Variants in RNF24 observed in about 807,000 individuals in gnomAD.
RNF24 encodes the protein ring finger protein 24.
Under a neutral mutation model 20.0 loss-of-function variants are expected in RNF24, and 14 were observed. The observed-to-expected ratio is 0.70, with a 90% CI of 0.46 to 1.10. The LOEUF is 1.10. Ranked by LOEUF, RNF24 falls within the 50% of genes least tolerant of loss-of-function variation. The pLI is 0.00. For missense variants in RNF24, 124 were observed against 177.6 expected (o/e 0.70, Z 1.71); for synonymous variants, 45 against 61.1 (o/e 0.74, Z 1.23).
At chr20:3,939,269 AG>A (rs1200762051) in intron 4 of RNF24, among the ~76,000 whole-genome samples, 17 of 152,182 alleles carry the variant, frequency 1.1e-4, no homozygotes, top group African/African-American at 4.1e-4. Context: ...CTGGGATTAC[AG>A]GCATGTGTCA....
rs1486668782 is a variant in RNF24 at position 3,957,469 on chromosome 20, AAT to A, written c.143+6404_143+6405del. 1.0e-3 allele frequency among the ~76,000 whole-genome samples: 144 copies of A among 141,766 alleles called. 5 individuals carry two copies. Among genetic ancestry groups the A allele is most frequent in the Non-Finnish European group, 7.6e-4 (49 of 64,640 alleles). The allele number at this position is 141,766 out of a possible 152,430, so 93.0% of individuals were successfully genotyped here. On this transcript the variant is annotated intron_variant, in intron 2 of 5. Transcript: ENST00000358395. ...TGAGACCCTGTCTCAAAAAAAAAAA[AAT>A]AATAATAATAAAAATAAAAAATAAA...
chr20:3,977,222 CTTCAGGTTAT>C (rs1321289937), intron 1 of RNF24, among the ~76,000 whole-genome samples: 1 of 152,126 alleles, frequency 6.6e-6, no homozygotes, highest in Non-Finnish European at 1.5e-5. Flanking sequence ...TAGATTAAGG[CTTCAGGTTAT>C]TTCAGCAAAG....
intron 2 of RNF24, among the ~76,000 whole-genome samples, chr20:3,952,855 C>T (rs977673017): frequency 2.0e-5 from 3 of 152,094 alleles, no homozygotes; most frequent in Admixed American, 1.3e-4. Flanking sequence ...AAATAACTCT[C>T]GTTCTTGGAA....
chr20:3,966,065 T>C (rs1273451612), intron 1 of RNF24, among the ~76,000 whole-genome samples: 1 of 130,384 alleles, frequency 7.7e-6, no homozygotes, highest in African/African-American at 3.0e-5. Flanking sequence ...ACCAGGGAGG[T>C]GGTTGGTTGC....
chr20:3,955,119 A>C (rs2091127959), intron 2 of RNF24, among the ~76,000 whole-genome samples: 1 of 152,196 alleles, frequency 6.6e-6, no homozygotes, highest in South Asian at 2.1e-4. Context: ...AATAATGTCA[A>C]ACATCTTTTC....
intron 1 of RNF24, among the ~76,000 whole-genome samples, chr20:3,967,208 T>C (rs2091267536): frequency 6.6e-6 from 1 of 152,220 alleles, no homozygotes; most frequent in Admixed American, 6.5e-5. Context: ...CTACATATCA[T>C]CTTAGTAATA....
intron 1 of RNF24, among the ~76,000 whole-genome samples, chr20:3,977,724 A>G (rs1168272951): frequency 2.0e-5 from 3 of 151,736 alleles, no homozygotes; most frequent in Non-Finnish European, 2.9e-5. Flanking sequence ...AATTAGCCGG[A>G]TGTGGTGGTG....
chr20:3,947,504 C>T (rs1038420496), intron 3 of RNF24, among the ~76,000 whole-genome samples: 4 of 152,190 alleles, frequency 2.6e-5, no homozygotes, highest in Non-Finnish European at 5.9e-5. Flanking sequence ...TATGAGCTAA[C>T]ATTTAAAGTA....
chr20:4,002,683 C>A (rs1182131368), intron 1 of RNF24, among the ~76,000 whole-genome samples: 4 of 152,130 alleles, frequency 2.6e-5, no homozygotes, highest in African/African-American at 9.7e-5. Flanking sequence ...TGGAAAATAT[C>A]ATTTTTTCCT....
chr20:3,948,393 A>G, intron 2 of RNF24, 114 bp from the exon 3 acceptor site: 1 of 690,152 alleles, frequency 1.4e-6, no homozygotes, highest in Non-Finnish European at 2.4e-6. Context: ...CTCAAATGAT[A>G]TAAATTAGAA....
At chr20:3,986,782 G>A (rs1979960307) in intron 1 of RNF24, among the ~76,000 whole-genome samples, 2 of 151,922 alleles carry the variant, frequency 1.3e-5, no homozygotes, top group Admixed American at 1.3e-4. Context: ...CCAAGTAGCT[G>A]GGACTACAGG....
intron 4 of RNF24, among the ~76,000 whole-genome samples, chr20:3,942,171 A>AT (rs1369304613): frequency 2.2e-5 from 3 of 133,978 alleles, no homozygotes; most frequent in South Asian, 2.5e-4. Flanking sequence ...TATCAGAAAA[A>AT]TATTTTTTTT....
rs1378255018 is a variant in RNF24 at position 3,944,788 on chromosome 20, AC to A, written c.228+388del. Among the ~76,000 whole-genome samples the A allele has an allele frequency of 4.6e-5, 7 of 152,042 alleles. No individual in the cohort carries two copies. The East Asian group carries it at 1.3e-3, about 29-fold the overall frequency. On this transcript the variant is annotated intron_variant, in intron 4 of 5. Coordinates refer to ENST00000358395, the MANE Select transcript of RNF24 (RefSeq NM_001134337.3). ...GTATGTCTTACCTTCTTCAATCCCT[AC>A]CCCCATGAGATAACTGCTCTCTTTT...
chr20:3,942,674 C>G (rs1188670923), intron 4 of RNF24, among the ~76,000 whole-genome samples: 2 of 152,082 alleles, frequency 1.3e-5, no homozygotes, highest in Non-Finnish European at 2.9e-5. Flanking sequence ...GGGGTTTCAC[C>G]ATGTTAGCCA....
rs188567443 is a variant in RNF24 at position 3,952,594 on chromosome 20, T to A, written c.144-4315A>T. ...ATTCTTTTTTCCCGTTTTTTTTTTT[T>A]TGCACTGACTAGCTAGGCCCTCCAG... is the stretch of plus-strand genomic sequence containing the variant. On this transcript the variant is annotated intron_variant, in intron 2 of 5. Transcript: ENST00000358395. Among the ~76,000 whole-genome samples the A allele has an allele frequency of 3.9e-3, 587 of 151,180 alleles. 5 individuals carry two copies. Among genetic ancestry groups the A allele is most frequent in the African/African-American group, 0.014 (568 of 41,344 alleles).
At chr20:3,993,294 C>CT (rs556944333) in intron 1 of RNF24, among the ~76,000 whole-genome samples, 58 of 146,970 alleles carry the variant, frequency 3.9e-4, no homozygotes, top group South Asian at 8.5e-4. Flanking sequence ...AAACTCACAT[C>CT]TTTTTTTTTT....
chr20:4,014,676 C>G (rs6084551), intron 1 of RNF24, among the ~76,000 whole-genome samples: 1 of 151,788 alleles, frequency 6.6e-6, no homozygotes, highest in Admixed American at 6.6e-5. Flanking sequence ...TCCCCTTTTC[C>G]TCATACCCTT....
chr20:3,986,158 A>C (rs1477696525), intron 1 of RNF24, among the ~76,000 whole-genome samples: 1 of 152,140 alleles, frequency 6.6e-6, no homozygotes, highest in African/African-American at 2.4e-5. Context: ...TTGACGTCTC[A>C]TGTTCCCTTT....
chr20:4,011,794 A>T (rs899218122), intron 1 of RNF24, among the ~76,000 whole-genome samples: 1 of 152,242 alleles, frequency 6.6e-6, no homozygotes, highest in Admixed American at 6.5e-5. Context: ...AATCCTGAAT[A>T]CCGACCTAAC....
Sources: gnomAD v4.1 joint callset for allele counts (sites outside exome capture counted in the v4.1 genomes callset) on GRCh38, gnomAD v4.1.1 for gene constraint, MANE v1.5 for transcripts, NCBI Gene and HGNC (gene_info 2026-07-23, HGNC 2026-07-21) for gene names.